DPYD: variants seen among roughly 807,000 people sequenced by gnomAD.
DPYD encodes dihydropyrimidine dehydrogenase [NADP(+)].
A neutral mutation model predicts 116.2 loss-of-function variants in DPYD; 109 were observed. The observed-to-expected ratio is 0.94, with a 90% CI of 0.80 to 1.10. The LOEUF (loss-of-function observed/expected upper bound fraction) is 1.10. DPYD is among the 50% of genes least tolerant of loss of function. DPYD has a pLI of 0.00. For synonymous variants in DPYD, 440 were observed against 432.0 expected, an observed-to-expected ratio of 1.02 and a Z score of -0.23; for missense variants, 1,302 against 1,254.5, an observed-to-expected ratio of 1.04 and a Z score of -0.57.
Position 97,234,899 on chromosome 1 carries a change from C to A in DPYD, c.2395G>T (p.Ala799Ser). The A allele has an allele frequency of 6.2e-7, 1 of 1,614,014 alleles. No homozygotes were observed. Among genetic ancestry groups the A allele is most frequent in the Non-Finnish European group, 8.5e-7 (1 of 1,179,970 alleles). ...PILATGGIDS[A>S]ESGLQFLHSG... ...TGGAGAAACTGAAGACCACTTTCAG[C>A]AGAGTCAATTCCACCAGTAGCCAAA... The change falls in exon 19 of 23, where the codon GCT (alanine) becomes TCT (serine). Residue 799 changes from alanine (A) to serine (S), a missense_variant. Ala to Ser is a moderately conservative substitution (Grantham distance 99, BLOSUM62 1). Transcript: ENST00000370192.
intron 20 of DPYD, among the ~76,000 whole-genome samples, chr1:97,135,166 T>C (rs948277043): frequency 6.6e-6 from 1 of 152,180 alleles, no homozygotes; most frequent in African/African-American, 2.4e-5. Flanking sequence ...TTTGAGTTGA[T>C]TTAGCTAATC....
At chr1:97,810,655 C>G (rs1668308455) in intron 3 of DPYD, among the ~76,000 whole-genome samples, 1 of 152,138 alleles carries the variant, frequency 6.6e-6, no homozygotes, top group Non-Finnish European at 1.5e-5. Flanking sequence ...CTCTCATATC[C>G]ATCTCTTACC....
At chr1:97,787,321 G>T (rs1397442063) in intron 3 of DPYD, among the ~76,000 whole-genome samples, 3 of 152,064 alleles carry the variant, frequency 2.0e-5, no homozygotes, top group Non-Finnish European at 4.4e-5. Flanking sequence ...ATCCTAAACA[G>T]TGAAATAGAT....
intron 5 of DPYD, among the ~76,000 whole-genome samples, chr1:97,704,143 G>A (rs1388377367): frequency 6.6e-6 from 1 of 151,962 alleles, no homozygotes; most frequent in Non-Finnish European, 1.5e-5. Context: ...TTTTTTAACT[G>A]AAATACAAGT....
intron 8 of DPYD, among the ~76,000 whole-genome samples, chr1:97,606,624 C>CAGGG (rs1409946017): frequency 5.9e-5 from 9 of 151,940 alleles, no homozygotes; most frequent in African/African-American, 2.2e-4. Context: ...GACAAATAGG[C>CAGGG]AGGGTCCAAA....
At position 97,790,006 on chromosome 1, in the gene DPYD, G is replaced by A. The variant is rs990958312; in HGVS notation, c.233+38108C>T. Reference sequence around the variant, plus strand: ...TCAAGTTAAAGAACAGAGAAAAACCGCAAAGCATCACTTGAGGTATTTGTG... The same window carrying A: ...TCAAGTTAAAGAACAGAGAAAAACCACAAAGCATCACTTGAGGTATTTGTG... On this transcript the variant is annotated intron_variant, in intron 3 of 22. Coordinates refer to ENST00000370192, the MANE Select transcript of DPYD (RefSeq NM_000110.4). 3.9e-5 allele frequency among the ~76,000 whole-genome samples: 6 copies of A among 152,262 alleles called. No individual in the cohort carries two copies. The East Asian group carries it at 5.8e-4, about 15-fold the overall frequency.
chr1:97,821,692 T>C (rs1020397290), intron 3 of DPYD, among the ~76,000 whole-genome samples: 2 of 152,196 alleles, frequency 1.3e-5, no homozygotes, highest in African/African-American at 4.8e-5. Flanking sequence ...GGACAAGATA[T>C]ACAGCTTCTA....
chr1:97,745,371 AT>A (rs1469082343), intron 3 of DPYD, among the ~76,000 whole-genome samples: 1 of 152,090 alleles, frequency 6.6e-6, no homozygotes, highest in Non-Finnish European at 1.5e-5. Context: ...TTAAATAGCT[AT>A]TTATCTACTA....
intron 2 of DPYD, among the ~76,000 whole-genome samples, chr1:97,836,604 T>C (rs1669784693): frequency 6.6e-6 from 1 of 152,034 alleles, no homozygotes; most frequent in Admixed American, 6.6e-5. Context: ...AATTAACATA[T>C]GAATATGTAT....
intron 20 of DPYD, among the ~76,000 whole-genome samples, chr1:97,177,938 CTG>C (rs1198703558): frequency 3.9e-5 from 6 of 152,204 alleles, no homozygotes; most frequent in African/African-American, 1.4e-4. Flanking sequence ...CAACTTCTCA[CTG>C]TATCTTCACA....
intron 19 of DPYD, among the ~76,000 whole-genome samples, chr1:97,208,781 A>G (rs1389620709): frequency 6.6e-6 from 1 of 152,152 alleles, no homozygotes; most frequent in Non-Finnish European, 1.5e-5. Context: ...TTCTGTCAGA[A>G]TGAACTTTCC....
intron 12 of DPYD, among the ~76,000 whole-genome samples, chr1:97,519,363 G>A (rs1333328792): frequency 6.6e-6 from 1 of 152,084 alleles, no homozygotes; most frequent in African/African-American, 2.4e-5. Context: ...GATCTTGTGA[G>A]ACTTATTCAC....
chr1:97,447,308 ATAAT>A (rs983025371), intron 14 of DPYD, among the ~76,000 whole-genome samples: 2 of 152,228 alleles, frequency 1.3e-5, no homozygotes, highest in African/African-American at 4.8e-5. Flanking sequence ...AGCAAGAGTG[ATAAT>A]TAAACTTGGA....
chr1:97,572,166 G>T (rs1652947512), intron 11 of DPYD, among the ~76,000 whole-genome samples: 1 of 151,850 alleles, frequency 6.6e-6, no homozygotes, highest in African/African-American at 2.4e-5. Flanking sequence ...TGAAGTACTA[G>T]AAGAAATATA....
chr1:97,648,688 A>C lies in DPYD; in HGVS notation c.850+30407T>G, dbSNP rs189122545. ...CTAACACATGTTAAGCATTTGTTTTATGCCAGGCATTATTCTAAGCATTTT... is the reference window on the plus strand; with the variant it reads ...CTAACACATGTTAAGCATTTGTTTTCTGCCAGGCATTATTCTAAGCATTTT... On this transcript the variant is annotated intron_variant, in intron 8 of 22. Transcript: ENST00000370192. 6.0e-3 allele frequency among the ~76,000 whole-genome samples: 918 copies of C among 152,194 alleles called. 9 individuals carry two copies. Among genetic ancestry groups the C allele is most frequent in the Middle Eastern group, 0.014 (4 of 294 alleles).
chr1:97,470,000 A>G (rs1027652614), intron 13 of DPYD, among the ~76,000 whole-genome samples: 1 of 152,226 alleles, frequency 6.6e-6, no homozygotes, highest in African/African-American at 2.4e-5. Context: ...ATAGACTTGA[A>G]TATAGACATA....
chr1:97,716,176 C>A (rs1662604832), intron 5 of DPYD, among the ~76,000 whole-genome samples: 1 of 151,728 alleles, frequency 6.6e-6, no homozygotes, highest in South Asian at 2.1e-4. Context: ...GTATATTTAC[C>A]AGACTAATTT....
chr1:97,174,763 A>AC (rs1657127397), intron 20 of DPYD, among the ~76,000 whole-genome samples: 1 of 152,212 alleles, frequency 6.6e-6, no homozygotes. Flanking sequence ...TCTTAAAAAA[A>AC]TTAACAATGT....
At chr1:97,848,620 T>C (rs1257133623) in intron 2 of DPYD, among the ~76,000 whole-genome samples, 1 of 152,226 alleles carries the variant, frequency 6.6e-6, no homozygotes, top group Non-Finnish European at 1.5e-5. Flanking sequence ...ACAATTATTA[T>C]ATACAATAAT....
Sources: allele counts gnomAD v4.1 joint callset (sites outside exome capture counted in the v4.1 genomes callset), GRCh38; gene constraint gnomAD v4.1.1; transcripts MANE v1.5; gene names NCBI Gene and HGNC (gene_info 2026-07-23, HGNC 2026-07-21).